CLTA: variants seen among roughly 807,000 people sequenced by gnomAD.
CLTA encodes the protein clathrin light chain A.
In CLTA, 9 loss-of-function variants were observed where a neutral mutation model predicts 26.9. That is an observed-to-expected ratio of 0.33 (90% CI 0.20 to 0.58). CLTA has a LOEUF of 0.58. Among genes scored for constraint, CLTA ranks in the 20% least tolerant of loss-of-function variants. The probability of loss-of-function intolerance (pLI) is 0.85; values close to 1 mark genes in which losing one functional copy is unlikely to be tolerated. For missense variants in CLTA, 278 were observed against 294.2 expected (o/e 0.94, Z 0.40); for synonymous variants, 120 against 115.5 (o/e 1.04, Z -0.25).
intron 2 of CLTA, among the ~76,000 whole-genome samples, chr9:36,198,484 C>G (rs1228466502): frequency 6.6e-6 from 1 of 151,804 alleles, no homozygotes; most frequent in Non-Finnish European, 1.5e-5. Context: ...CGAGACCAGC[C>G]TGGCCAACAC....
intron 3 of CLTA, among the ~76,000 whole-genome samples, chr9:36,203,368 AGCTCTGCCCTG>A (rs1187827137): frequency 6.6e-6 from 1 of 152,158 alleles, no homozygotes; most frequent in African/African-American, 2.4e-5. Flanking sequence ...TTTCTTTTGT[AGCTCTGCCCTG>A]GCTCTGCCAC....
intron 3 of CLTA, among the ~76,000 whole-genome samples, chr9:36,200,739 T>C (rs1204023124): frequency 6.6e-6 from 1 of 152,230 alleles, no homozygotes; most frequent in Non-Finnish European, 1.5e-5. Flanking sequence ...CACATGTAAC[T>C]GTTAAGTACT....
At chr9:36,209,430 T>C in intron 4 of CLTA, 1 of 862,452 alleles carries the variant, frequency 1.2e-6, no homozygotes, top group Non-Finnish European at 1.9e-6. Flanking sequence ...TTATTTCAAA[T>C]TGGCACTTTG....
intron 4 of CLTA, among the ~76,000 whole-genome samples, chr9:36,207,151 G>C (rs1235120751): frequency 6.6e-6 from 1 of 152,182 alleles, no homozygotes; most frequent in Non-Finnish European, 1.5e-5. Context: ...CACTGCACTG[G>C]GGGTGGGTGT....
chr9:36,192,492 T>G (rs1356077327), intron 1 of CLTA, among the ~76,000 whole-genome samples: 2 of 152,188 alleles, frequency 1.3e-5, no homozygotes, highest in Non-Finnish European at 2.9e-5. Flanking sequence ...AGTCCCCCAA[T>G]AAGAACTTAG....
intron 3 of CLTA, among the ~76,000 whole-genome samples, chr9:36,199,366 G>A (rs796588036): frequency 3.7e-4 from 57 of 152,114 alleles, no homozygotes; most frequent in African/African-American, 1.3e-3. Flanking sequence ...AGCCTCAGGT[G>A]GTGTTTATAG....
At chr9:36,210,726 C>G in intron 4 of CLTA, 1 of 1,596,836 alleles carries the variant, frequency 6.3e-7, no homozygotes, top group South Asian at 1.1e-5. Flanking sequence ...TGTAGTGGCT[C>G]TGGGCTTCAG....
intron 4 of CLTA, among the ~76,000 whole-genome samples, chr9:36,205,902 G>T (rs1376834509): frequency 6.6e-6 from 1 of 151,866 alleles, no homozygotes; most frequent in Non-Finnish European, 1.5e-5. Context: ...TGGGACTACA[G>T]GTGCCCGCCA....
At chr9:36,208,623 A>G (rs1271644172) in intron 4 of CLTA, among the ~76,000 whole-genome samples, 2 of 152,176 alleles carry the variant, frequency 1.3e-5, no homozygotes, top group Admixed American at 1.3e-4. Context: ...CCACCCAGAC[A>G]GTGTGGGGAA....
At chr9:36,206,617 G>A (rs1827739620) in intron 4 of CLTA, among the ~76,000 whole-genome samples, 1 of 152,172 alleles carries the variant, frequency 6.6e-6, no homozygotes, top group Admixed American at 6.5e-5. Flanking sequence ...ATGGGGGCCG[G>A]ACACCGTGAC....
intron 1 of CLTA, 23 bp downstream of exon 1, chr9:36,191,296 G>A (rs1440717327): frequency 3.4e-6 from 5 of 1,490,898 alleles, no homozygotes; most frequent in Admixed American, 4.8e-5. Flanking sequence ...GCGCGTTTGG[G>A]GCGAGAGGAC....
chr9:36,211,473 C>T, intron 4 of CLTA, 130 bp from the exon 5 acceptor site: 1 of 1,257,230 alleles, frequency 8.0e-7, no homozygotes, highest in Non-Finnish European at 1.1e-6. Context: ...GGGCCAGGGG[C>T]TGTTATCTTG....
At chr9:36,207,429 C>T (rs1315318391) in intron 4 of CLTA, among the ~76,000 whole-genome samples, 2 of 152,272 alleles carry the variant, frequency 1.3e-5, no homozygotes, top group Non-Finnish European at 2.9e-5. Context: ...GGGGAACCCA[C>T]AGTTCTCAGA....
chr9:36,207,799 T>G (rs887648398), intron 4 of CLTA, among the ~76,000 whole-genome samples: 3 of 152,220 alleles, frequency 2.0e-5, no homozygotes, highest in Admixed American at 6.5e-5. Flanking sequence ...TCATGAAACC[T>G]CTACTCTTCT....
At chr9:36,197,175 A>G (rs1046945444) in intron 1 of CLTA, among the ~76,000 whole-genome samples, 3 of 152,162 alleles carry the variant, frequency 2.0e-5, no homozygotes, top group Non-Finnish European at 4.4e-5. Context: ...ACTGTCTCAA[A>G]GATGAAGCTG....
chr9:36,194,088 C>T (rs779357742), intron 1 of CLTA, among the ~76,000 whole-genome samples: 4 of 152,078 alleles, frequency 2.6e-5, no homozygotes, highest in African/African-American at 9.7e-5. Flanking sequence ...TGCAGTGGTG[C>T]GATCTCGGTT....
At chr9:36,202,438 T>G (rs975118179) in intron 3 of CLTA, among the ~76,000 whole-genome samples, 2 of 152,254 alleles carry the variant, frequency 1.3e-5, no homozygotes, top group African/African-American at 2.4e-5. Context: ...AATTACAGTT[T>G]GGGCTCTTGG....
At position 36,211,812 on chromosome 9, in the gene CLTA, T is replaced by G. The variant is rs1381175869; in HGVS notation, c.*38T>G. On this transcript the variant is annotated 3_prime_UTR_variant, in exon 5 of 5. Coordinates refer to ENST00000345519, the MANE Select transcript of CLTA (RefSeq NM_001833.4). Reference sequence around the variant, plus strand: ...TGGAAACACTACATCTGCAATATCTTAATCCTACTCAGTGAAGCTCTTCAC... The same window carrying G: ...TGGAAACACTACATCTGCAATATCTGAATCCTACTCAGTGAAGCTCTTCAC... 2.6e-6 allele frequency: 4 copies of G among 1,512,592 alleles called. No homozygotes were observed. The highest frequency in any genetic ancestry group is 1.8e-6 in the Non-Finnish European group (2 of 1,097,168). The allele number at this position is 1,512,592 out of a possible 1,614,324, so 93.7% of individuals were successfully genotyped here. A position where few individuals can be genotyped will look rare whatever the true frequency, so the allele number is the denominator to read the frequency against.
Position 36,190,938 on chromosome 9 carries a change from C to T in CLTA, c.-119C>T, listed in dbSNP as rs978938535. ...TAGGGCTTCCGCTTTACCCGTCTCC[C>T]TCCTGGCGCTTGTCCTCCTCTCCCA... is the stretch of plus-strand genomic sequence containing the variant. On this transcript the variant is annotated 5_prime_UTR_variant, in exon 1 of 5. Coordinates refer to ENST00000345519, the MANE Select transcript of CLTA (RefSeq NM_001833.4). The T allele has an allele frequency of 8.4e-6, 12 of 1,421,160 alleles. No homozygotes were observed. The highest frequency in any genetic ancestry group is 1.1e-5 in the Non-Finnish European group (12 of 1,094,370). 88.0% of individuals were successfully genotyped at this position (1,421,160 alleles called of 1,614,324 possible).
Sources: allele counts gnomAD v4.1 joint callset (sites outside exome capture counted in the v4.1 genomes callset), GRCh38; gene constraint gnomAD v4.1.1; transcripts MANE v1.5; gene names NCBI Gene and HGNC (gene_info 2026-07-23, HGNC 2026-07-21).